Variants in PCSK5 observed in about 807,000 individuals in gnomAD.
The protein encoded by PCSK5 is prohormone convertase 5.
PCSK5 carries 129 observed loss-of-function variants against 233.2 expected under a neutral mutation model. The observed-to-expected ratio is 0.55, with a 90% CI of 0.48 to 0.64. PCSK5 has a LOEUF of 0.64. Ranked by LOEUF, PCSK5 falls within the 30% of genes least tolerant of loss-of-function variation. The probability of loss-of-function intolerance (pLI) is 0.00; values close to 1 mark genes in which losing one functional copy is unlikely to be tolerated. For missense variants in PCSK5, 2,076 were observed against 2,430.1 expected (o/e 0.85, Z 3.06); for synonymous variants, 825 against 879.2 (o/e 0.94, Z 1.09).
intron 7 of PCSK5, among the ~76,000 whole-genome samples, chr9:76,077,328 T>A (rs1830676972): frequency 6.6e-6 from 1 of 152,214 alleles, no homozygotes; most frequent in Non-Finnish European, 1.5e-5. Context: ...AAAATTTCTC[T>A]CTCAACTCTA....
intron 2 of PCSK5, among the ~76,000 whole-genome samples, chr9:75,938,165 A>T (rs1249018180): frequency 6.6e-6 from 1 of 152,118 alleles, no homozygotes; most frequent in Non-Finnish European, 1.5e-5. Flanking sequence ...ACCAAGTGTA[A>T]TCATTTCTAG....
At chr9:76,080,966 A>G (rs981352852) in intron 7 of PCSK5, among the ~76,000 whole-genome samples, 4 of 152,220 alleles carry the variant, frequency 2.6e-5, no homozygotes. Flanking sequence ...GAAGGTCATT[A>G]TATAATCTTG....
At chr9:76,346,549 T>A (rs1425199464) in intron 35 of PCSK5, among the ~76,000 whole-genome samples, 1 of 152,192 alleles carries the variant, frequency 6.6e-6, no homozygotes, top group Non-Finnish European at 1.5e-5. Flanking sequence ...TCATTTTTTC[T>A]GCTATCATTA....
chr9:76,066,879 T>C (rs1485711016), intron 5 of PCSK5, among the ~76,000 whole-genome samples: 1 of 152,196 alleles, frequency 6.6e-6, no homozygotes, highest in Non-Finnish European at 1.5e-5. Flanking sequence ...TTTTGCTAAC[T>C]GTGCTACTCT....
intron 1 of PCSK5, among the ~76,000 whole-genome samples, chr9:75,908,915 CTATCTA>C (rs1564074737): frequency 1.9e-4 from 24 of 128,412 alleles, no homozygotes; most frequent in African/African-American, 4.2e-4. Flanking sequence ...ATCTATCTAT[CTATCTA>C]TCTCTCTATC....
At chr9:76,123,739 T>C (rs1251379870) in intron 9 of PCSK5, among the ~76,000 whole-genome samples, 2 of 152,232 alleles carry the variant, frequency 1.3e-5, no homozygotes, top group Non-Finnish European at 2.9e-5. Flanking sequence ...GTTTATTTTA[T>C]TTTGACCTTC....
intron 20 of PCSK5, among the ~76,000 whole-genome samples, chr9:76,223,364 G>C (rs1360043185): frequency 6.6e-6 from 1 of 152,164 alleles, no homozygotes; most frequent in Non-Finnish European, 1.5e-5. Flanking sequence ...TCAATCTTAT[G>C]TTGTAACTTT....
At chr9:76,276,559 G>A (rs1045854782) in intron 24 of PCSK5, among the ~76,000 whole-genome samples, 3 of 152,088 alleles carry the variant, frequency 2.0e-5, no homozygotes, top group African/African-American at 7.2e-5. Context: ...GATGTTCCTT[G>A]AAGGGGACAA....
chr9:76,064,506 G>A (rs186715383), intron 5 of PCSK5, among the ~76,000 whole-genome samples: 1 of 146,172 alleles, frequency 6.8e-6, no homozygotes, highest in Non-Finnish European at 1.5e-5. Flanking sequence ...CGGGCGGGGG[G>A]CTGAACCCCC....
intron 3 of PCSK5, among the ~76,000 whole-genome samples, chr9:76,020,509 C>CT (rs1828137185): frequency 1.3e-5 from 2 of 152,142 alleles, no homozygotes; most frequent in Admixed American, 6.5e-5. Context: ...TTTAACATTC[C>CT]TTTTTGTCAT....
intron 20 of PCSK5, among the ~76,000 whole-genome samples, chr9:76,225,438 T>C (rs953003944): frequency 1.2e-4 from 18 of 152,216 alleles, no homozygotes; most frequent in Non-Finnish European, 1.0e-4. Context: ...GCATATTTTT[T>C]TGAAAGATAC....
intron 29 of PCSK5, among the ~76,000 whole-genome samples, chr9:76,310,172 CGGGA>C: frequency 1.3e-5 from 2 of 151,130 alleles, no homozygotes; most frequent in Admixed American, 6.6e-5. Context: ...CGCTTGAACC[CGGGA>C]GGCGGAGGTC....
At chr9:75,926,329 C>T (rs954895495) in intron 1 of PCSK5, among the ~76,000 whole-genome samples, 1 of 152,128 alleles carries the variant, frequency 6.6e-6, no homozygotes, top group African/African-American at 2.4e-5. Context: ...CAGTGATGTG[C>T]TGATAAATAG....
At position 76,358,656 on chromosome 9, in the gene PCSK5, C is replaced by T. The variant is rs976893081; in HGVS notation, c.5398C>T (p.Pro1800Ser). 9 of 1,612,628 alleles carry T rather than the reference C, an allele frequency of 5.6e-6. No homozygotes were observed. The African/African-American group carries it at 1.2e-4, about 22-fold the overall frequency. The change falls in exon 38 of 38, where the codon CCA becomes TCA. Residue 1800 changes from proline (P) to serine (S), a missense_variant. Physicochemically the swap from Pro to Ser is moderately conservative, Grantham distance 74. Coordinates refer to ENST00000674117, the MANE Select transcript of PCSK5 (RefSeq NM_001372043.1). The stretch of plus-strand genomic sequence containing the variant: ...GAAGAAATCTCGTGGCCGAGTCCAG[C>T]CAGCAGCAAAGGCCGGCTATGAAAA... ...VWKKSRGRVQ[P>S]AAKAGYEKLA...
intron 4 of PCSK5, among the ~76,000 whole-genome samples, chr9:76,025,369 A>C (rs1441762729): frequency 6.6e-6 from 1 of 151,238 alleles, no homozygotes; most frequent in Non-Finnish European, 1.5e-5. Flanking sequence ...AAACAGCAAG[A>C]CCTCATCTCT....
At chr9:76,139,397 A>C (rs1823109852) in intron 10 of PCSK5, among the ~76,000 whole-genome samples, 2 of 152,126 alleles carry the variant, frequency 1.3e-5, no homozygotes, top group Admixed American at 1.3e-4. Flanking sequence ...GTTGGTAGCT[A>C]TGATTAAAGC....
intron 8 of PCSK5, among the ~76,000 whole-genome samples, chr9:76,098,640 G>A (rs1258727811): frequency 6.6e-6 from 1 of 152,158 alleles, no homozygotes; most frequent in Non-Finnish European, 1.5e-5. Flanking sequence ...TGCCCATTTA[G>A]TCAGTCCTAT....
intron 2 of PCSK5, among the ~76,000 whole-genome samples, chr9:75,975,697 T>C (rs749966252): frequency 2.6e-5 from 4 of 152,366 alleles, no homozygotes; most frequent in Non-Finnish European, 5.9e-5. Context: ...ATTAATGCTT[T>C]GTTTTAAGGT....
intron 5 of PCSK5, among the ~76,000 whole-genome samples, chr9:76,060,951 A>C (rs1292853901): frequency 6.6e-6 from 1 of 152,202 alleles, no homozygotes; most frequent in Admixed American, 6.5e-5. Flanking sequence ...GTTATATTCT[A>C]TTTATAAGAG....
Sources: allele counts gnomAD v4.1 joint callset (sites outside exome capture counted in the v4.1 genomes callset), GRCh38; gene constraint gnomAD v4.1.1; transcripts MANE v1.5; gene names NCBI Gene and HGNC (gene_info 2026-07-23, HGNC 2026-07-21).